The following RFPL4B variants were observed in gnomAD, a reference collection of about 807,000 sequenced individuals.
The protein encoded by RFPL4B is ret finger protein-like 4B.
For missense variants in RFPL4B, 314 were observed against 327.7 expected (o/e 0.96, Z 0.32); for synonymous variants, 118 against 126.3 (o/e 0.93, Z 0.44).
chr6:112,351,176 A>G lies in RFPL4B; in HGVS notation c.*676A>G, dbSNP rs1789150085. 1 of 167,094 alleles carries G rather than the reference A, an allele frequency of 6.0e-6. No homozygotes were observed. Among genetic ancestry groups the G allele is most frequent in the East Asian group, 1.9e-4 (1 of 5,198 alleles). The allele number at this position is 167,094 out of a possible 1,614,324, so 10.4% of individuals were successfully genotyped here. On this transcript the variant is annotated 3_prime_UTR_variant, in exon 3 of 3. Transcript: ENST00000441065. ...CTCAATAATTGGACTATTGTGATTT[A>G]TAAGAATTCTTATCAACCATGTTAA...
At position 112,350,063 on chromosome 6, in the gene RFPL4B, T is replaced by C; in HGVS notation, c.355T>C (p.Cys119Arg). The C allele has an allele frequency of 6.2e-7, 1 of 1,614,118 alleles. No individual in the cohort carries two copies. Residue 119 changes from cysteine to arginine, a missense_variant, in exon 3 of 3, where the codon TGT (cysteine) becomes CGT (arginine). Transcript: ENST00000441065. ...CTCCAATGATCTAAGAAGCGCTCAG[T>C]GTAAGAAGATCCACCACGATCTGAC... Reference protein sequence around the residue: ...VFSNDLRSAQCKKIHHDLTKD... With the variant: ...VFSNDLRSAQRKKIHHDLTKD...
Position 112,350,113 on chromosome 6 carries a change from C to G in RFPL4B, c.405C>G (p.Val135=). ...DLTKDPRLAC[V]LGTPCFSSGQ... is the part of the protein sequence containing the mutation. ...CAAAAGATCCCAGGCTGGCCTGTGTCCTGGGTACTCCCTGCTTCTCCTCCG... is the reference window on the plus strand; with the variant it reads ...CAAAAGATCCCAGGCTGGCCTGTGTGCTGGGTACTCCCTGCTTCTCCTCCG... The change falls in exon 3 of 3, where the codon GTC becomes GTG. Residue 135 remains valine (V), a synonymous_variant. Transcript: ENST00000441065. The G allele has an allele frequency of 6.2e-7, 1 of 1,614,168 alleles. No individual in the cohort carries two copies. Among genetic ancestry groups the G allele is most frequent in the Non-Finnish European group, 8.5e-7 (1 of 1,180,032 alleles).
In RFPL4B at chr6:112,350,726, T is replaced by C. The variant is rs1010190175; in HGVS notation, c.*226T>C. ...GGTCTTTAGGGATGTTATTAAGTAC[T>C]GTAAGCTTCAGTTTTCTAGTCTGTA... On this transcript the variant is annotated 3_prime_UTR_variant, in exon 3 of 3. Coordinates refer to ENST00000441065, the MANE Select transcript of RFPL4B (RefSeq NM_001013734.3). 6.5e-6 allele frequency: 3 copies of C among 464,658 alleles called. No homozygotes were observed. The highest frequency in any genetic ancestry group is 5.8e-4 in the Middle Eastern group (1 of 1,716). The allele number at this position is 464,658 out of a possible 1,614,324, so 28.8% of individuals were successfully genotyped here.
Position 112,350,603 on chromosome 6 carries a change from A to T in RFPL4B, c.*103A>T. On this transcript the variant is annotated 3_prime_UTR_variant, in exon 3 of 3. Transcript: ENST00000441065. ...AGAGATAATGTGCTATAGTGCAAAG[A>T]CTTGGTAAATTTTTAAAGTAGATTT... 1.1e-6 allele frequency: 1 copy of T among 897,956 alleles called. No individual in the cohort carries two copies. The highest frequency in any genetic ancestry group is 3.6e-4 in the Middle Eastern group (1 of 2,768). The allele number at this position is 897,956 out of a possible 1,614,324, so 55.6% of individuals were successfully genotyped here.
In RFPL4B at chr6:112,350,602, G is replaced by T. The variant is rs9487899; in HGVS notation, c.*102G>T. 6.0e-4 allele frequency: 538 copies of T among 898,106 alleles called. 1 individual carries two copies. In the African/African-American group the frequency reaches 7.3e-3, roughly 12 times the overall value. 55.6% of individuals were successfully genotyped at this position (898,106 alleles called of 1,614,324 possible). A position where few individuals can be genotyped will look rare whatever the true frequency, so the allele number is the denominator to read the frequency against. On this transcript the variant is annotated 3_prime_UTR_variant, in exon 3 of 3. Transcript: ENST00000441065. ...AAGAGATAATGTGCTATAGTGCAAAGACTTGGTAAATTTTTAAAGTAGATT... is the reference window on the plus strand; with the variant it reads ...AAGAGATAATGTGCTATAGTGCAAATACTTGGTAAATTTTTAAAGTAGATT...
rs1789119753 is a variant in RFPL4B, at chr6:112,349,317, A to T, written c.-110A>T. On this transcript the variant is annotated 5_prime_UTR_variant, in exon 2 of 3. Coordinates refer to ENST00000441065, the MANE Select transcript of RFPL4B (RefSeq NM_001013734.3). The stretch of plus-strand genomic sequence containing the variant: ...CAACACATCACCTGGAAGTCTTCAG[A>T]CTAGGTAAGCTGCACTGTCTGAAAA... 6.6e-6 allele frequency: 1 copy of T among 152,424 alleles called. No individual in the cohort carries two copies. Among genetic ancestry groups the T allele is most frequent in the Admixed American group, 6.5e-5 (1 of 15,278 alleles). The allele number at this position is 152,424 out of a possible 1,614,324, so 9.4% of individuals were successfully genotyped here.
Position 112,350,020 on chromosome 6 carries a change from C to T in RFPL4B, c.312C>T (p.Ala104=). Residue 104 remains alanine, a synonymous_variant, in exon 3 of 3, where the codon GCC becomes GCT. Coordinates refer to ENST00000441065, the MANE Select transcript of RFPL4B (RefSeq NM_001013734.3). ...REDVTLDAAT[A]SSLLVFSNDL... is the part of the protein sequence containing the mutation. ...ATGTGACCCTGGATGCAGCCACTGC[C>T]AGCTCCCTCCTTGTCTTCTCCAATG... The T allele has an allele frequency of 6.2e-7, 1 of 1,614,198 alleles. No homozygotes were observed. Among genetic ancestry groups the T allele is most frequent in the Non-Finnish European group, 8.5e-7 (1 of 1,180,036 alleles).
intron 1 of RFPL4B, among the ~76,000 whole-genome samples, chr6:112,348,722 G>A (rs934404297): frequency 6.6e-6 from 1 of 152,152 alleles, no homozygotes; most frequent in Non-Finnish European, 1.5e-5. Context: ...TGGGTCATGG[G>A]TCTAGCCTGG....
In RFPL4B at chr6:112,349,821, A is replaced by C; in HGVS notation, c.113A>C (p.Tyr38Ser). The C allele has an allele frequency of 6.2e-7, 1 of 1,614,130 alleles. No individual in the cohort carries two copies. Among genetic ancestry groups the C allele is most frequent in the Non-Finnish European group, 8.5e-7 (1 of 1,179,998 alleles). ...TTCTGCTTTGATTGCATCCAGAGGT[A>C]TATACTAGAAAACCATGATTTTAGA... The part of the protein sequence containing the change: ...HVFCFDCIQR[Y>S]ILENHDFRAM... The change falls in exon 3 of 3, where the codon TAT becomes TCT. Residue 38 changes from tyrosine (Y) to serine (S), a missense_variant. Tyr to Ser is a moderately radical substitution (Grantham distance 144). Transcript: ENST00000441065.
Position 112,350,146 on chromosome 6 carries a change from T to G in RFPL4B, c.438T>G (p.His146Gln). The G allele has an allele frequency of 2.5e-6, 4 of 1,614,162 alleles. No homozygotes were observed. The highest frequency in any genetic ancestry group is 3.4e-6 in the Non-Finnish European group (4 of 1,180,032). ...CTCCCTGCTTCTCCTCCGGCCAACA[T>G]TACTGGGAGGTTGAAGTGGGAGAGG... ...LGTPCFSSGQ[H>Q]YWEVEVGEVK... The change falls in exon 3 of 3, where the codon CAT becomes CAG. Residue 146 changes from histidine to glutamine, a missense_variant. Physicochemically the swap from His to Gln is conservative, Grantham distance 24. Transcript: ENST00000441065.
rs755118822 is a variant in RFPL4B at position 112,350,065 on chromosome 6, T to C, written c.357T>C (p.Cys119=). 2.0e-5 allele frequency: 33 copies of C among 1,614,188 alleles called. No individual in the cohort carries two copies. The highest frequency in any genetic ancestry group is 2.6e-5 in the Non-Finnish European group (31 of 1,180,032). Reference sequence around the variant, plus strand: ...CCAATGATCTAAGAAGCGCTCAGTGTAAGAAGATCCACCACGATCTGACAA... The same window carrying C: ...CCAATGATCTAAGAAGCGCTCAGTGCAAGAAGATCCACCACGATCTGACAA... ...VFSNDLRSAQ[C]KKIHHDLTKD... The change falls in exon 3 of 3, where the codon TGT becomes TGC. Residue 119 remains cysteine (C), a synonymous_variant. Transcript: ENST00000441065.
Position 112,350,494 on chromosome 6 carries a change from C to T in RFPL4B, c.786C>T (p.Cys262=). Residue 262 remains cysteine (C), a synonymous_variant, in exon 3 of 3, where the codon TGC becomes TGT. Transcript: ENST00000441065. ...AGAGTGGCAACGTCCTGACCATCTG[C>T]CCATGAGAAAGTCAGCCCTTCCTAG... ...EGESGNVLTI[C]P 6.4e-7 allele frequency: 1 copy of T among 1,571,314 alleles called. No individual in the cohort carries two copies. Among genetic ancestry groups the T allele is most frequent in the Non-Finnish European group, 8.6e-7 (1 of 1,157,250 alleles).
chr6:112,347,332 G>A lies in RFPL4B; in HGVS notation c.-310G>A, dbSNP rs1046931472. The stretch of plus-strand genomic sequence containing the variant: ...TGGTGTCTCTCCGCGGAAACTCCGA[G>A]AGGAGCAGAGGTCTGTAGAGGTAGA... On this transcript the variant is annotated 5_prime_UTR_variant, in exon 1 of 3. Transcript: ENST00000441065. 2 of 152,188 alleles carry A rather than the reference G, an allele frequency of 1.3e-5. No individual in the cohort carries two copies. Among genetic ancestry groups the A allele is most frequent in the Non-Finnish European group, 2.9e-5 (2 of 68,048 alleles). The allele number at this position is 152,188 out of a possible 1,614,324, so 9.4% of individuals were successfully genotyped here.
chr6:112,348,292 C>A (rs1052717865), intron 1 of RFPL4B, among the ~76,000 whole-genome samples: 1 of 152,170 alleles, frequency 6.6e-6, no homozygotes, highest in Non-Finnish European at 1.5e-5. Flanking sequence ...GTCCGCCAGC[C>A]AGGCACCATG....
At position 112,350,507 on chromosome 6, in the gene RFPL4B, CAGCCCTTCCTAGA is replaced by C; in HGVS notation, c.*11_*23del. The stretch of plus-strand genomic sequence containing the variant: ...CCTGACCATCTGCCCATGAGAAAGT[CAGCCCTTCCTAGA>C]AGCTTTCTGAGAGGTGAAAGAGAAT... On this transcript the variant is annotated 3_prime_UTR_variant, in exon 3 of 3. Coordinates refer to ENST00000441065, the MANE Select transcript of RFPL4B (RefSeq NM_001013734.3). The C allele has an allele frequency of 6.4e-7, 1 of 1,562,932 alleles. No homozygotes were observed. Among genetic ancestry groups the C allele is most frequent in the Non-Finnish European group, 8.7e-7 (1 of 1,154,508 alleles).
chr6:112,347,899 G>T (rs1333404027), intron 1 of RFPL4B, among the ~76,000 whole-genome samples: 1 of 152,054 alleles, frequency 6.6e-6, no homozygotes, highest in Non-Finnish European at 1.5e-5. Flanking sequence ...GCTTGAACCC[G>T]GGAGGCAGAG....
chr6:112,347,827 A>G (rs1239650355), intron 1 of RFPL4B, among the ~76,000 whole-genome samples: 1 of 152,178 alleles, frequency 6.6e-6, no homozygotes, highest in Non-Finnish European at 1.5e-5. Flanking sequence ...TACAAAACTT[A>G]GCCGGACGTG....
intron 1 of RFPL4B, among the ~76,000 whole-genome samples, chr6:112,348,816 G>A (rs1393519852): frequency 6.6e-6 from 1 of 152,196 alleles, no homozygotes; most frequent in African/African-American, 2.4e-5. Flanking sequence ...GAGCACCAGA[G>A]GCTCTCAAGC....
Position 112,350,009 on chromosome 6 carries a change from G to A in RFPL4B, c.301G>A (p.Ala101Thr). 6.2e-7 allele frequency: 1 copy of A among 1,614,222 alleles called. No homozygotes were observed. The highest frequency in any genetic ancestry group is 1.6e-4 in the Middle Eastern group (1 of 6,062). The part of the protein sequence containing the change: ...RHFREDVTLD[A>T]ATASSLLVFS... ...TTTTCGGGAGGATGTGACCCTGGAT[G>A]CAGCCACTGCCAGCTCCCTCCTTGT... is the stretch of plus-strand genomic sequence containing the variant. Residue 101 changes from alanine to threonine, a missense_variant, in exon 3 of 3, where the codon GCA becomes ACA. By Grantham distance (58) the Ala-to-Thr change is moderately conservative (BLOSUM62 0). Transcript: ENST00000441065.
Sources: gnomAD v4.1 joint callset for allele counts (sites outside exome capture counted in the v4.1 genomes callset) on GRCh38, gnomAD v4.1.1 for gene constraint, MANE v1.5 for transcripts, NCBI Gene and HGNC (gene_info 2026-07-23, HGNC 2026-07-21) for gene names.